IQSEC1: variants seen among roughly 807,000 people sequenced by gnomAD.
IQSEC1 encodes IQ motif and Sec7 domain ArfGEF 1.
A neutral mutation model predicts 91.0 loss-of-function variants in IQSEC1; 31 were observed. That is an observed-to-expected ratio of 0.34 (90% CI 0.26 to 0.46). The LOEUF (loss-of-function observed/expected upper bound fraction) is 0.46, where lower values mean the gene tolerates loss of function less well. Among genes scored for constraint, IQSEC1 ranks in the 20% least tolerant of loss-of-function variants. The pLI, the probability that IQSEC1 is intolerant of heterozygous loss-of-function variation, is 1.00. For synonymous variants in IQSEC1, 699 were observed against 662.6 expected, an observed-to-expected ratio of 1.05 and a Z score of -0.84; for missense variants, 1,388 against 1,575.6, an observed-to-expected ratio of 0.88 and a Z score of 2.02.
At chr3:13,000,423 C>T (rs1201804447) in intron 1 of IQSEC1, among the ~76,000 whole-genome samples, 1 of 152,178 alleles carries the variant, frequency 6.6e-6, no homozygotes, top group African/African-American at 2.4e-5. Context: ...GTGTCCTGTA[C>T]ATCTTGAGAC....
chr3:13,032,422 A>G (rs1703877184), intron 1 of IQSEC1, among the ~76,000 whole-genome samples: 1 of 152,226 alleles, frequency 6.6e-6, no homozygotes, highest in African/African-American at 2.4e-5. Context: ...TGACTTCCGC[A>G]GGCCGAACCT....
rs922037707 is a variant in IQSEC1, at chr3:13,033,011, C to T, written c.23+39981G>A. On this transcript the variant is annotated intron_variant, in intron 1 of 13. Transcript: ENST00000613206. ...TGCAGTGCCTTTGGAAATGACCTCT[C>T]GCTTTACAATACTCACGTGGTGTTG... is the stretch of plus-strand genomic sequence containing the variant. Among the ~76,000 whole-genome samples, 6 of 152,348 alleles carry T rather than the reference C, an allele frequency of 3.9e-5. 1 individual carries two copies. Among genetic ancestry groups the T allele is most frequent in the Admixed American group, 2.6e-4 (4 of 15,312 alleles).
In IQSEC1 at chr3:12,900,268, G is replaced by T. The variant is rs1050001887; in HGVS notation, c.*715C>A. 1.0e-6 allele frequency: 1 copy of T among 984,908 alleles called. No homozygotes were observed. The highest frequency in any genetic ancestry group is 1.7e-5 in the African/African-American group (1 of 57,274). The allele number at this position is 984,908 out of a possible 1,614,324, so 61.0% of individuals were successfully genotyped here. On this transcript the variant is annotated 3_prime_UTR_variant, in exon 14 of 14. Transcript: ENST00000613206. ...TAAAGATTTTAGCCAGTCCTAGAGG[G>T]ACTTCTTTGTATGAAAATATGAAGT... is the stretch of plus-strand genomic sequence containing the variant.
At chr3:13,031,969 C>A (rs528268798) in intron 1 of IQSEC1, among the ~76,000 whole-genome samples, 1 of 152,090 alleles carries the variant, frequency 6.6e-6, no homozygotes, top group Non-Finnish European at 1.5e-5. Flanking sequence ...GAGTTAATTG[C>A]GGACCCACAG....
intron 3 of IQSEC1, among the ~76,000 whole-genome samples, chr3:12,930,498 A>C (rs916086157): frequency 6.6e-6 from 1 of 152,134 alleles, no homozygotes; most frequent in East Asian, 1.9e-4. Flanking sequence ...CAAGTGGTTC[A>C]GGGAGAGGCA....
chr3:13,037,696 T>C (rs55958231), intron 1 of IQSEC1, among the ~76,000 whole-genome samples: 5,653 of 152,286 alleles, frequency 0.037, 133 homozygotes, highest in South Asian at 0.09. Flanking sequence ...AGGAAGGACA[T>C]TCTGACTCAT....
chr3:13,086,688 C>T (rs1341481068), intron 2 of IQSEC1, among the ~76,000 whole-genome samples: 1 of 152,216 alleles, frequency 6.6e-6, no homozygotes, highest in Non-Finnish European at 1.5e-5. Flanking sequence ...AGGGCCTTTG[C>T]ATCTGCTGTT....
At chr3:13,165,570 GTGTGTGTGTGTC>G (rs1559267989) in intron 1 of IQSEC1, among the ~76,000 whole-genome samples, 4 of 144,752 alleles carry the variant, frequency 2.8e-5, no homozygotes, top group Admixed American at 1.4e-4. Context: ...GTGTGTGTGT[GTGTGTGTGTGTC>G]TGTCTGTCTT....
At chr3:13,132,463 A>G (rs913580351) in intron 2 of IQSEC1, among the ~76,000 whole-genome samples, 1 of 152,218 alleles carries the variant, frequency 6.6e-6, no homozygotes, top group Admixed American at 6.5e-5. Flanking sequence ...ACTCAGAGGC[A>G]GTGTGCAGAG....
chr3:13,118,071 T>A (rs975926216), intron 2 of IQSEC1, among the ~76,000 whole-genome samples: 1 of 152,088 alleles, frequency 6.6e-6, no homozygotes, highest in Non-Finnish European at 1.5e-5. Flanking sequence ...CAGTTAATCA[T>A]AACGTATAGT....
intron 1 of IQSEC1, among the ~76,000 whole-genome samples, chr3:13,265,976 C>T (rs1398236515): frequency 1.3e-5 from 2 of 151,798 alleles, no homozygotes; most frequent in African/African-American, 2.4e-5. Context: ...CCACACACCC[C>T]ATGCCCATCT....
chr3:13,077,892 T>C (rs554636536), upstream of IQSEC1, among the ~76,000 whole-genome samples: 7 of 152,318 alleles, frequency 4.6e-5, no homozygotes, highest in African/African-American at 1.7e-4. Flanking sequence ...ATGGAGCACA[T>C]CCACTGCTTC....
At chr3:12,968,973 G>A (rs12639275) in intron 1 of IQSEC1, among the ~76,000 whole-genome samples, 29,238 of 152,152 alleles carry the variant, frequency 0.19, 4,148 homozygotes, top group East Asian at 0.74. Context: ...GAGCACCTGG[G>A]TTCCCAGGCA....
chr3:13,204,978 A>T (rs1275251863), intron 1 of IQSEC1, among the ~76,000 whole-genome samples: 1 of 151,580 alleles, frequency 6.6e-6, no homozygotes, highest in East Asian at 1.9e-4. Flanking sequence ...TCGTATTTTT[A>T]GTAGAAAAGA....
chr3:13,217,090 C>G (rs1694564405), intron 1 of IQSEC1, among the ~76,000 whole-genome samples: 1 of 151,618 alleles, frequency 6.6e-6, no homozygotes, highest in Non-Finnish European at 1.5e-5. Flanking sequence ...ATTCTTAGTG[C>G]TTTTAAAAAA....
At position 12,936,398 on chromosome 3, in the gene IQSEC1, G is replaced by C. The variant is rs143835637; in HGVS notation, c.618C>G (p.Pro206=). The change falls in exon 3 of 14, where the codon CCC becomes CCG. Residue 206 remains proline, a synonymous_variant. Transcript: ENST00000613206. ...AGGGGGCCGGAGACTTGAGGGTGGT[G>C]GGCTCGCTGAGGTCACCACACTCAG... ...VSPECGDLSE[P]TTLKSPAPSS... 3,336 of 1,594,292 alleles carry C rather than the reference G, an allele frequency of 2.1e-3. 68 individuals carry two copies. The African/African-American group carries it at 0.041, about 19-fold the overall frequency.
chr3:12,916,764 A>C (rs1317034740), intron 6 of IQSEC1, among the ~76,000 whole-genome samples: 1 of 152,246 alleles, frequency 6.6e-6, no homozygotes, highest in African/African-American at 2.4e-5. Context: ...ACCCATTAAC[A>C]GGGGAGTGCT....
chr3:13,051,485 G>A (rs1490467678), intron 1 of IQSEC1, among the ~76,000 whole-genome samples: 6 of 152,192 alleles, frequency 3.9e-5, no homozygotes, highest in Non-Finnish European at 8.8e-5. Flanking sequence ...GCAGGGGCAG[G>A]GATCTTGGGG....
At chr3:12,959,503 C>A (rs770119110) in intron 1 of IQSEC1, among the ~76,000 whole-genome samples, 1 of 152,190 alleles carries the variant, frequency 6.6e-6, no homozygotes, top group African/African-American at 2.4e-5. Context: ...ACGGGCCTAG[C>A]CTCTCCCAGT....
Sources: gnomAD v4.1 joint callset for allele counts (sites outside exome capture counted in the v4.1 genomes callset) on GRCh38, gnomAD v4.1.1 for gene constraint, MANE v1.5 for transcripts, NCBI Gene and HGNC (gene_info 2026-07-23, HGNC 2026-07-21) for gene names.